The following FARP1 variants were observed in gnomAD, a reference collection of about 807,000 sequenced individuals.
FARP1 encodes FERM, ARHGEF and pleckstrin domain-containing protein 1.
A neutral mutation model predicts 128.8 loss-of-function variants in FARP1; 52 were observed. That is an observed-to-expected ratio of 0.40 (90% confidence interval 0.32 to 0.51). FARP1 has a LOEUF of 0.51. Ranked by LOEUF, FARP1 falls within the 20% of genes least tolerant of loss-of-function variation. FARP1 has a pLI of 0.45. For missense variants in FARP1, 1,333 were observed against 1,367.9 expected (o/e 0.97, Z 0.40); for synonymous variants, 580 against 551.8 (o/e 1.05, Z -0.72).
At chr13:98,340,165 C>G (rs1887907211) in intron 2 of FARP1, among the ~76,000 whole-genome samples, 1 of 151,910 alleles carries the variant, frequency 6.6e-6, no homozygotes, top group Admixed American at 6.6e-5. Context: ...ATGAAGTTAT[C>G]AAATTCCCTT....
chr13:98,207,968 A>ACT (rs1566741273), intron 1 of FARP1, among the ~76,000 whole-genome samples: 4 of 143,124 alleles, frequency 2.8e-5, no homozygotes, highest in Non-Finnish European at 6.1e-5. Flanking sequence ...ACACACACAC[A>ACT]CTTTGATTCA....
Position 98,439,101 on chromosome 13 carries a change from C to G in FARP1, c.2344-6C>G. On this transcript the variant is annotated splice_polypyrimidine_tract_variant and splice_region_variant and intron_variant, in intron 20 of 26. Coordinates refer to ENST00000319562, the MANE Select transcript of FARP1 (RefSeq NM_005766.4). Reference sequence around the variant, plus strand: ...TCTCACCTCCACACACTTCTGATTCCTCCAGTTCAACGACGTCCTGCTATA... The same window carrying G: ...TCTCACCTCCACACACTTCTGATTCGTCCAGTTCAACGACGTCCTGCTATA... 6.2e-7 allele frequency: 1 copy of G among 1,611,884 alleles called. No individual in the cohort carries two copies. The highest frequency in any genetic ancestry group is 8.5e-7 in the Non-Finnish European group (1 of 1,178,506).
In FARP1 at chr13:98,368,109, T is replaced by A; in HGVS notation, c.320-8T>A. The A allele has an allele frequency of 1.9e-6, 3 of 1,610,706 alleles. No homozygotes were observed. Among genetic ancestry groups the A allele is most frequent in the African/African-American group, 1.3e-5 (1 of 74,982 alleles). On this transcript the variant is annotated splice_polypyrimidine_tract_variant and splice_region_variant and intron_variant, in intron 4 of 26. Coordinates refer to ENST00000319562, the MANE Select transcript of FARP1 (RefSeq NM_005766.4). ...AAATGCTTTACTTCTTTTTTTCTTCTTCTTTAGGGCCAAAGCACGTTGTTG... is the reference window on the plus strand; with the variant it reads ...AAATGCTTTACTTCTTTTTTTCTTCATCTTTAGGGCCAAAGCACGTTGTTG...
intron 19 of FARP1, chr13:98,436,112 ATGAAG>A (rs1892258414): frequency 4.1e-6 from 1 of 245,090 alleles, no homozygotes; most frequent in South Asian, 4.8e-5. Context: ...CCATGCAGGT[ATGAAG>A]TGTTTTTTTA....
chr13:98,390,040 T>C lies in FARP1; in HGVS notation c.939T>C (p.His313=). The change falls in exon 10 of 27, where the codon CAT becomes CAC. Residue 313 remains histidine (H), a synonymous_variant. Coordinates refer to ENST00000319562, the MANE Select transcript of FARP1 (RefSeq NM_005766.4). ...TCTGGAAAATCTGTGTTGAACATCA[T>C]GCCTTCTTTAGACTTTTTGAAGAGC... ...KSFWKICVEH[H]AFFRLFEEPK... 6.2e-7 allele frequency: 1 copy of C among 1,614,224 alleles called. No individual in the cohort carries two copies. Among genetic ancestry groups the C allele is most frequent in the East Asian group, 2.2e-5 (1 of 44,888 alleles).
chr13:98,152,353 T>G (rs1330071370), intron 1 of FARP1, among the ~76,000 whole-genome samples: 1 of 152,134 alleles, frequency 6.6e-6, no homozygotes, highest in African/African-American at 2.4e-5. Flanking sequence ...TAGCAAAAAT[T>G]TTCCCAGAAG....
At chr13:98,151,489 GT>G (rs1213207544) in intron 1 of FARP1, among the ~76,000 whole-genome samples, 1 of 151,822 alleles carries the variant, frequency 6.6e-6, no homozygotes, top group Admixed American at 6.6e-5. Flanking sequence ...CTAATTTTTG[GT>G]TTTCTTGCCC....
chr13:98,280,257 A>G (rs374666760), intron 2 of FARP1, among the ~76,000 whole-genome samples: 37 of 152,182 alleles, frequency 2.4e-4, no homozygotes, highest in African/African-American at 8.9e-4. Context: ...TCCGGGATCA[A>G]TTCCCCCATG....
At position 98,232,152 on chromosome 13, in the gene FARP1, T is replaced by G. The variant is rs1401160395; in HGVS notation, c.171+18739T>G. ...GCTTTTTTTGTTTGGTTGGTTTTTT[T>G]TTTTTTTTTTTTTTGCTTAACTAAT... On this transcript the variant is annotated intron_variant, in intron 2 of 26. Coordinates refer to ENST00000319562, the MANE Select transcript of FARP1 (RefSeq NM_005766.4). 4.1e-5 allele frequency among the ~76,000 whole-genome samples: 6 copies of G among 147,312 alleles called. 1 individual carries two copies. Among genetic ancestry groups the G allele is most frequent in the South Asian group, 4.3e-4 (2 of 4,642 alleles).
At chr13:98,392,607 T>C (rs1890357849) in intron 11 of FARP1, among the ~76,000 whole-genome samples, 2 of 152,202 alleles carry the variant, frequency 1.3e-5, no homozygotes, top group African/African-American at 4.8e-5. Context: ...TACTACCTTT[T>C]TTTTGAGATC....
chr13:98,177,293 C>G, intron 1 of FARP1: 1 of 1,380,474 alleles, frequency 7.2e-7, no homozygotes, highest in Non-Finnish European at 9.8e-7. Flanking sequence ...GTCGCCCTTG[C>G]GTCGCTGCAC....
intron 2 of FARP1, among the ~76,000 whole-genome samples, chr13:98,314,384 A>ATTCTCC (rs200018250): frequency 0.015 from 2,084 of 136,696 alleles, 21 homozygotes; most frequent in Non-Finnish European, 0.019. Flanking sequence ...GGTTCAAGCG[A>ATTCTCC]TTCTCCTGCC....
chr13:98,247,966 G>A (rs1259011646), intron 2 of FARP1, among the ~76,000 whole-genome samples: 1 of 152,140 alleles, frequency 6.6e-6, no homozygotes, highest in African/African-American at 2.4e-5. Context: ...CAGAAGAGTC[G>A]CAGATTCCTG....
rs530920410 is a variant in FARP1, at chr13:98,228,976, T to C, written c.171+15563T>C. ...GGAATTTGTTATTCTTTTTAACAAA[T>C]ACAAGATTACAGAATCTTTTAATAT... On this transcript the variant is annotated intron_variant, in intron 2 of 26. Coordinates refer to ENST00000319562, the MANE Select transcript of FARP1 (RefSeq NM_005766.4). Among the ~76,000 whole-genome samples, 218 of 152,344 alleles carry C rather than the reference T, an allele frequency of 1.4e-3. 1 individual carries two copies. Among genetic ancestry groups the C allele is most frequent in the African/African-American group, 4.3e-3 (178 of 41,584 alleles).
At chr13:98,331,806 A>G (rs1237307444) in intron 2 of FARP1, 1 of 152,210 alleles carries the variant, frequency 6.6e-6, no homozygotes, top group African/African-American at 2.4e-5. Context: ...GCCAGCTTCA[A>G]AGTGTTGACG....
At chr13:98,429,278 C>T (rs954132761) in intron 17 of FARP1, among the ~76,000 whole-genome samples, 1 of 152,162 alleles carries the variant, frequency 6.6e-6, no homozygotes, top group Non-Finnish European at 1.5e-5. Flanking sequence ...TCACTGTGTG[C>T]AGAGTCTCTG....
intron 2 of FARP1, among the ~76,000 whole-genome samples, chr13:98,281,870 A>G (rs1057253037): frequency 2.6e-5 from 4 of 152,208 alleles, no homozygotes; most frequent in Admixed American, 1.3e-4. Context: ...TTTGGAGGGC[A>G]CGCATCTTAC....
At chr13:98,396,348 C>G (rs1412151586) in intron 13 of FARP1, 2 of 399,040 alleles carry the variant, frequency 5.0e-6, no homozygotes, top group African/African-American at 2.1e-5. Flanking sequence ...AGATGCTGAT[C>G]CCCGGGAGTC....
chr13:98,163,192 A>G (rs1315386608), intron 1 of FARP1, among the ~76,000 whole-genome samples: 2 of 152,216 alleles, frequency 1.3e-5, no homozygotes, highest in Non-Finnish European at 2.9e-5. Flanking sequence ...ACTGGAAGCC[A>G]TTGTCCTTAG....
Sources: allele counts gnomAD v4.1 joint callset (sites outside exome capture counted in the v4.1 genomes callset), GRCh38; gene constraint gnomAD v4.1.1; transcripts MANE v1.5; gene names NCBI Gene and HGNC (gene_info 2026-07-23, HGNC 2026-07-21).